The following CCR6 variants were observed in gnomAD, a reference collection of about 807,000 sequenced individuals.
CCR6 encodes C-C motif chemokine receptor 6.
CCR6 carries 2 observed loss-of-function variants against 3.0 expected under a neutral mutation model. That is an observed-to-expected ratio of 0.66 (90% confidence interval 0.27 to 2.07). The LOEUF is 2.07. CCR6 is among the 30% of genes most tolerant of loss of function. CCR6 has a pLI of 0.14. For synonymous variants in CCR6, 193 were observed against 184.3 expected (o/e 1.05, Z -0.38); for missense variants, 322 against 462.8 (o/e 0.70, Z 2.79).
At position 167,138,221 on chromosome 6, in the gene CCR6, G is replaced by C. The variant is rs543650060; in HGVS notation, c.*866G>C. The C allele has an allele frequency of 1.4e-3, 212 of 152,296 alleles. 2 individuals carry two copies. Among genetic ancestry groups the C allele is most frequent in the African/African-American group, 4.9e-3 (202 of 41,560 alleles). 9.4% of individuals were successfully genotyped at this position (152,296 alleles called of 1,614,324 possible). ...CAGCAAACAAAATGGACTCAAGAGAGATTTGATTAATGAATCGTAATGAAG... is the reference window on the plus strand; with the variant it reads ...CAGCAAACAAAATGGACTCAAGAGACATTTGATTAATGAATCGTAATGAAG... On this transcript the variant is annotated 3_prime_UTR_variant, in exon 3 of 3. Coordinates refer to ENST00000341935, the MANE Select transcript of CCR6 (RefSeq NM_031409.4).
In CCR6 at chr6:167,138,316, T is replaced by A. The variant is rs1781881305; in HGVS notation, c.*961T>A. On this transcript the variant is annotated 3_prime_UTR_variant, in exon 3 of 3. Coordinates refer to ENST00000341935, the MANE Select transcript of CCR6 (RefSeq NM_031409.4). ...TTTAAATAAATGGAATACTTTTTTT[T>A]TTTTTTTAAAGAAAGCAACTTTACT... 1 of 152,178 alleles carries A rather than the reference T, an allele frequency of 6.6e-6. No individual in the cohort carries two copies. The highest frequency in any genetic ancestry group is 1.5e-5 in the Non-Finnish European group (1 of 68,030). The allele number at this position is 152,178 out of a possible 1,614,324, so 9.4% of individuals were successfully genotyped here.
In CCR6 at chr6:167,137,120, C is replaced by T. The variant is rs774906837; in HGVS notation, c.890C>T (p.Thr297Met). Reference protein sequence around the residue: ...SCQSEKLIGYTKTVTEVLAFL... With the variant: ...SCQSEKLIGYMKTVTEVLAFL... ...CAGAGCGAAAAGCTAATTGGCTATA[C>T]GAAAACTGTCACAGAAGTCCTGGCT... The change falls in exon 3 of 3, where the codon ACG becomes ATG. Residue 297 changes from threonine (T) to methionine (M), a missense_variant. Physicochemically the swap from Thr to Met is moderately conservative, Grantham distance 81 (BLOSUM62 -1). Transcript: ENST00000341935. The surrounding 1 kb of genome is among the most constrained non-coding windows in gnomAD (Gnocchi z 4.6). 1.7e-5 allele frequency: 28 copies of T among 1,614,048 alleles called. No individual in the cohort carries two copies. The highest frequency in any genetic ancestry group is 3.3e-5 in the South Asian group (3 of 91,088).
At chr6:167,121,307 G>C (rs939837532), upstream of CCR6, among the ~76,000 whole-genome samples, 3 of 152,216 alleles carry the variant, frequency 2.0e-5, no homozygotes, top group Non-Finnish European at 4.4e-5. Context: ...CTTAATTAAT[G>C]TTCATTTTTG....
rs1447582159 is a variant in CCR6, at chr6:167,130,968, C to T, written c.-97-5070C>T. Among the ~76,000 whole-genome samples the T allele has an allele frequency of 3.5e-5, 4 of 112,948 alleles. No individual in the cohort carries two copies. The East Asian group carries it at 8.2e-4, about 23-fold the overall frequency. 74.1% of individuals were successfully genotyped at this position (112,948 alleles called of 152,430 possible). ...CCCCCTCCCTCCGGGACTCCTCCCT[C>T]TGGGACCACCCTCCCTCTGGACCCC... On this transcript the variant is annotated intron_variant, in intron 1 of 2. Coordinates refer to ENST00000341935, the MANE Select transcript of CCR6 (RefSeq NM_031409.4).
At chr6:167,122,491 C>T (rs112680915), upstream of CCR6, among the ~76,000 whole-genome samples, 1 of 152,180 alleles carries the variant, frequency 6.6e-6, no homozygotes, top group Non-Finnish European at 1.5e-5. The surrounding 1 kb of genome is among the most constrained non-coding windows in gnomAD (Gnocchi z 4.2). Flanking sequence ...TTGAGGAGCT[C>T]CTCTGTTGCT....
chr6:167,125,118 GCA>G (rs150723360), intron 1 of CCR6, among the ~76,000 whole-genome samples: 1 of 151,102 alleles, frequency 6.6e-6, no homozygotes, highest in East Asian at 1.9e-4. Context: ...ACCGACATAT[GCA>G]CACACACACA....
At chr6:167,133,251 T>G (rs1432512810) in intron 1 of CCR6, among the ~76,000 whole-genome samples, 1 of 152,250 alleles carries the variant, frequency 6.6e-6, no homozygotes, top group Non-Finnish European at 1.5e-5. Flanking sequence ...GCTTTAGCTC[T>G]CACATTTAGA....
upstream of CCR6, chr6:167,121,520 T>A (rs1781586623): frequency 6.6e-6 from 1 of 152,288 alleles, no homozygotes; most frequent in African/African-American, 2.4e-5. Context: ...TGGGCAGCCC[T>A]TCTACAGGAA....
chr6:167,128,205 T>C (rs1270903994), intron 1 of CCR6, among the ~76,000 whole-genome samples: 9 of 152,184 alleles, frequency 5.9e-5, no homozygotes, highest in Admixed American at 1.3e-4. Context: ...ATATGCAAAA[T>C]CCCTTTTGCT....
At chr6:167,130,948 TC>T (rs1781745589) in intron 1 of CCR6, among the ~76,000 whole-genome samples, 2 of 143,890 alleles carry the variant, frequency 1.4e-5, no homozygotes, top group African/African-American at 5.2e-5. Context: ...TGGGCCCCCC[TC>T]CCTCCGGGAC....
upstream of CCR6, among the ~76,000 whole-genome samples, chr6:167,118,379 G>C (rs749993399): frequency 6.6e-6 from 1 of 152,140 alleles, no homozygotes; most frequent in African/African-American, 2.4e-5. Flanking sequence ...TGAGTCTAAA[G>C]TCATGTCAAG....
At chr6:167,132,922 AT>A (rs1364796202) in intron 1 of CCR6, among the ~76,000 whole-genome samples, 1 of 151,812 alleles carries the variant, frequency 6.6e-6, no homozygotes, top group Non-Finnish European at 1.5e-5. Context: ...CCATCCATGT[AT>A]TTTCCTTGGT....
intron 1 of CCR6, among the ~76,000 whole-genome samples, chr6:167,129,847 C>G (rs948644943): frequency 6.6e-6 from 1 of 151,624 alleles, no homozygotes; most frequent in Non-Finnish European, 1.5e-5. Flanking sequence ...GTTACTGAGA[C>G]AGCAACAATC....
At chr6:167,116,889 G>T (rs1007089980) in intron 1 of CCR6, 1 of 152,296 alleles carries the variant, frequency 6.6e-6, no homozygotes, top group Non-Finnish European at 1.5e-5. Context: ...TGGAAAACTG[G>T]GAGGGTTGGC....
chr6:167,122,697 G>C (rs576730492), upstream of CCR6: 1 of 152,404 alleles, frequency 6.6e-6, no homozygotes, highest in Non-Finnish European at 1.5e-5. The surrounding 1 kb of genome is among the most constrained non-coding windows in gnomAD (Gnocchi z 4.2). Context: ...CACAGCTTTC[G>C]GGGTGGGGCC....
chr6:167,121,765 C>T (rs968256046), upstream of CCR6, among the ~76,000 whole-genome samples: 2 of 152,176 alleles, frequency 1.3e-5, no homozygotes, highest in Non-Finnish European at 2.9e-5. Flanking sequence ...GGAAAACAGC[C>T]AGGACTTAGT....
chr6:167,114,955 T>A (rs1408885086), intron 1 of CCR6: 2 of 152,274 alleles, frequency 1.3e-5, no homozygotes, highest in African/African-American at 4.8e-5. Context: ...AAAAAGAATG[T>A]GGCTTTCAGA....
intron 1 of CCR6, among the ~76,000 whole-genome samples, chr6:167,129,217 G>T (rs41479146): frequency 0.038 from 5,729 of 152,230 alleles, 293 homozygotes; most frequent in African/African-American, 0.11. Flanking sequence ...CTGGATCATG[G>T]TTCCTCTTCT....
upstream of CCR6, chr6:167,122,956 T>G (rs1181848921): frequency 1.3e-5 from 2 of 152,454 alleles, no homozygotes; most frequent in Non-Finnish European, 2.9e-5. This position sits in a 1 kb window ranked among gnomAD's most constrained non-coding sequence, Gnocchi z 4.2. Context: ...TGGTTGGACT[T>G]TGATTCCAGG....
Sources: gnomAD v4.1 joint callset for allele counts (sites outside exome capture counted in the v4.1 genomes callset) on GRCh38, gnomAD v4.1.1 for gene constraint, Gnocchi (gnomAD v3.1) non-coding constraint, MANE v1.5 for transcripts, NCBI Gene and HGNC (gene_info 2026-07-23, HGNC 2026-07-21) for gene names.